Variants in PHB1 observed in about 807,000 individuals in gnomAD.
PHB1 encodes the protein epididymis luminal protein 215.
At chr17:49,405,058 G>A in the PHB1 span, 1,468 of 1,594,862 alleles carry the variant, frequency 9.2e-4, 13 homozygotes, top group African/African-American at 0.017. Context: ...GAGAGCGTGA[G>A]AGCTGGTACG....
At chr17:49,411,735 T>C in the PHB1 span, 1 of 1,614,098 alleles carries the variant, frequency 6.2e-7, no homozygotes, top group Non-Finnish European at 8.5e-7. Flanking sequence ...TCAAAGATAA[T>C]TGGTTTCTGT....
At chr17:49,406,941 G>A in the PHB1 span, 1 of 882,204 alleles carries the variant, frequency 1.1e-6, no homozygotes, top group Non-Finnish European at 1.9e-6. Flanking sequence ...TGGAAGAAGA[G>A]GCCAGCAATG....
chr17:49,411,723 A>G, the PHB1 span: 2 of 1,614,168 alleles, frequency 1.2e-6, no homozygotes, highest in Non-Finnish European at 1.7e-6. Flanking sequence ...CGAGAACGGC[A>G]GTCAAAGATA....
chr17:49,407,127 C>T, the PHB1 span: 1 of 427,204 alleles, frequency 2.3e-6, no homozygotes, highest in Non-Finnish European at 4.4e-6. Flanking sequence ...TTTGATGGGG[C>T]CCACAGGCAC....
chr17:49,405,353 G>C, the PHB1 span: 230 of 653,486 alleles, frequency 3.5e-4, no homozygotes, highest in East Asian at 6.0e-3. Flanking sequence ...CGGGGGAAGC[G>C]GGGGGAAGCA....
chr17:49,409,544 T>G, the PHB1 span: 60 of 359,158 alleles, frequency 1.7e-4, no homozygotes, highest in Middle Eastern at 5.5e-4. Flanking sequence ...TTTTTTTTTG[T>G]TTTTTTTTTT....
the PHB1 span, chr17:49,405,279 C>A: frequency 2.3e-6 from 3 of 1,278,850 alleles, no homozygotes; most frequent in Admixed American, 4.0e-5. Flanking sequence ...AGGCCCTTCA[C>A]CAGAAAGCCA....
chr17:49,404,875 T>G, the PHB1 span: 1 of 699,968 alleles, frequency 1.4e-6, no homozygotes. Flanking sequence ...TCCTTCACTT[T>G]AAGCCAATCA....
At chr17:49,408,764 G>T in the PHB1 span, 1 of 353,204 alleles carries the variant, frequency 2.8e-6, no homozygotes. Flanking sequence ...ATCACTCTCT[G>T]GGTAACAGTT....
the PHB1 span, among the ~76,000 whole-genome samples, chr17:49,405,416 C>T: frequency 6.6e-6 from 1 of 152,140 alleles, no homozygotes; most frequent in Non-Finnish European, 1.5e-5. Context: ...CTCCTTGTCA[C>T]GGGAGGGATA....
chr17:49,411,989 T>G, the PHB1 span: 1 of 668,226 alleles, frequency 1.5e-6, no homozygotes, highest in African/African-American at 1.8e-5. Flanking sequence ...CTCTAGAGAC[T>G]TCTAACTAGC....
the PHB1 span, chr17:49,406,651 G>C: frequency 1.2e-6 from 1 of 805,766 alleles, no homozygotes; most frequent in Non-Finnish European, 2.2e-6. Flanking sequence ...TGATTATCCC[G>C]GAAGAAGGGA....
chr17:49,409,721 G>A, the PHB1 span, among the ~76,000 whole-genome samples: 13 of 151,674 alleles, frequency 8.6e-5, 1 homozygote, highest in Non-Finnish European at 1.5e-4. Flanking sequence ...TGTATTTTTA[G>A]TAGAGACAGG....
At chr17:49,411,597 C>A in the PHB1 span, 12 of 1,255,570 alleles carry the variant, frequency 9.6e-6, no homozygotes, top group South Asian at 1.3e-5. Context: ...TCCTGGTATC[C>A]CACAGATGCT....
chr17:49,413,382 G>C, the PHB1 span: 1 of 699,976 alleles, frequency 1.4e-6, no homozygotes, highest in South Asian at 1.6e-5. Context: ...TTTCAACCTG[G>C]CTATTTATTT....
the PHB1 span, among the ~76,000 whole-genome samples, chr17:49,408,206 C>T: frequency 7.2e-5 from 11 of 152,312 alleles, no homozygotes; most frequent in Non-Finnish European, 1.3e-4. Flanking sequence ...TTCCAGCAGG[C>T]GGAGCAAGGT....
the PHB1 span, chr17:49,408,968 A>T: frequency 2.3e-6 from 2 of 882,478 alleles, no homozygotes; most frequent in Non-Finnish European, 3.6e-6. Context: ...AATAGCGTCT[A>T]CCCAGAAATG....
chr17:49,407,610 C>G, the PHB1 span: 3 of 152,138 alleles, frequency 2.0e-5, no homozygotes, highest in South Asian at 2.1e-4. Context: ...TAATGCCCAG[C>G]CTAGAGCAAT....
the PHB1 span, chr17:49,409,582 C>A: frequency 1.1e-6 from 1 of 883,458 alleles, no homozygotes; most frequent in South Asian, 1.7e-5. Context: ...GCTCTTGTTG[C>A]CTAGGCTGGA....
Sources: allele counts gnomAD v4.1 joint callset (sites outside exome capture counted in the v4.1 genomes callset), GRCh38; gene constraint gnomAD v4.1.1; transcripts MANE v1.5; gene names NCBI Gene and HGNC (gene_info 2026-07-23, HGNC 2026-07-21).